HIPK2: variants seen among roughly 807,000 people sequenced by gnomAD.
HIPK2 encodes homeodomain-interacting protein kinase 2.
In HIPK2, 27 loss-of-function variants were observed where a neutral mutation model predicts 113.7. The ratio of observed to expected loss-of-function variants is 0.24; its 90% CI spans 0.17 to 0.33. HIPK2 has a LOEUF of 0.33. Among genes scored for constraint, HIPK2 ranks in the 10% least tolerant of loss-of-function variants. HIPK2 has a pLI of 1.00. For synonymous variants in HIPK2, 631 were observed against 642.2 expected (o/e 0.98, Z 0.26); for missense variants, 1,257 against 1,588.0 (o/e 0.79, Z 3.54).
At chr7:139,623,248 C>T (rs977767738) in intron 6 of HIPK2, among the ~76,000 whole-genome samples, 12 of 152,144 alleles carry the variant, frequency 7.9e-5, no homozygotes, top group Non-Finnish European at 1.0e-4. Context: ...CGGTGGCTCA[C>T]GCCTGTAATC....
At chr7:139,601,548 A>G (rs1799425821) in intron 10 of HIPK2, among the ~76,000 whole-genome samples, 1 of 152,242 alleles carries the variant, frequency 6.6e-6, no homozygotes, top group Non-Finnish European at 1.5e-5. Context: ...CTGAATGAAT[A>G]ATTAGATTAA....
Position 139,564,560 on chromosome 7 carries a change from C to T in HIPK2, c.*8367G>A, listed in dbSNP as rs1458274380. On this transcript the variant is annotated 3_prime_UTR_variant, in exon 15 of 15. Coordinates refer to ENST00000406875, the MANE Select transcript of HIPK2 (RefSeq NM_022740.5). ...GCGGACTCACACCTTTTCCCTCCAT[C>T]TGGATTGCCTTTCATGTTCTCTTGA... 1 of 152,208 alleles carries T rather than the reference C, an allele frequency of 6.6e-6. No homozygotes were observed. The highest frequency in any genetic ancestry group is 2.4e-5 in the African/African-American group (1 of 41,458). The allele number at this position is 152,208 out of a possible 1,614,324, so 9.4% of individuals were successfully genotyped here. A position where few individuals can be genotyped will look rare whatever the true frequency, so the allele number is the denominator to read the frequency against.
rs1219406279 is a variant in HIPK2 at position 139,564,055 on chromosome 7, C to T, written c.*8872G>A. On this transcript the variant is annotated 3_prime_UTR_variant, in exon 15 of 15. Coordinates refer to ENST00000406875, the MANE Select transcript of HIPK2 (RefSeq NM_022740.5). ...GTCTCAATGGACCAGGCTGAGCTGC[C>T]CCTCTGTCTCTGCCTCCTCCTGCTC... 4 of 397,870 alleles carry T rather than the reference C, an allele frequency of 1.0e-5. No individual in the cohort carries two copies. In the East Asian group the frequency reaches 1.1e-4, roughly 11 times the overall value. 24.6% of individuals were successfully genotyped at this position (397,870 alleles called of 1,614,324 possible).
chr7:139,651,325 C>T (rs895046034), intron 2 of HIPK2, among the ~76,000 whole-genome samples: 6 of 151,932 alleles, frequency 3.9e-5, no homozygotes, highest in African/African-American at 1.2e-4. Context: ...AGGATGAACC[C>T]GGCACAGAGA....
intron 2 of HIPK2, among the ~76,000 whole-genome samples, chr7:139,671,844 G>C (rs921747080): frequency 1.3e-5 from 2 of 152,108 alleles, no homozygotes; most frequent in African/African-American, 4.8e-5. Flanking sequence ...CACTGCACCC[G>C]GCTGAGAATC....
chr7:139,753,696 C>G (rs1796316683), intron 1 of HIPK2, among the ~76,000 whole-genome samples: 1 of 152,210 alleles, frequency 6.6e-6, no homozygotes. Context: ...CTGAACACTT[C>G]TGAAAATGAT....
At chr7:139,618,261 T>C (rs930848117) in intron 7 of HIPK2, among the ~76,000 whole-genome samples, 5 of 152,230 alleles carry the variant, frequency 3.3e-5, no homozygotes, top group African/African-American at 1.2e-4. Context: ...AGTAATGATG[T>C]TATTTAATAA....
chr7:139,638,074 C>T (rs577619312), intron 2 of HIPK2, among the ~76,000 whole-genome samples: 2 of 152,272 alleles, frequency 1.3e-5, no homozygotes, highest in East Asian at 3.9e-4. Flanking sequence ...TAGCCCAAAC[C>T]TCTTATTTTA....
intron 2 of HIPK2, among the ~76,000 whole-genome samples, chr7:139,708,641 C>T (rs951571397): frequency 6.6e-6 from 1 of 152,220 alleles, no homozygotes; most frequent in African/African-American, 2.4e-5. Flanking sequence ...AGGGCGTGAA[C>T]ACTGCGTCTG....
chr7:139,720,654 T>C (rs1406445231), intron 1 of HIPK2, among the ~76,000 whole-genome samples: 3 of 152,226 alleles, frequency 2.0e-5, no homozygotes, highest in Admixed American at 6.5e-5. Context: ...CTAGATGTTG[T>C]ATACAATATA....
chr7:139,630,686 C>T lies in HIPK2; in HGVS notation c.1347+479G>A, dbSNP rs1013794002. ...GTGCTGGGATTACAGGCGTGAGCCA[C>T]CACGCTCCCTCTTCATTCTTTAGGG... On this transcript the variant is annotated intron_variant, in intron 4 of 14. Transcript: ENST00000406875. This position sits in a 1 kb window ranked among gnomAD's most constrained non-coding sequence, Gnocchi z 4.0. 2.0e-5 allele frequency among the ~76,000 whole-genome samples: 3 copies of T among 152,262 alleles called. No individual in the cohort carries two copies. Among genetic ancestry groups the T allele is most frequent in the Admixed American group, 1.3e-4 (2 of 15,294 alleles).
intron 2 of HIPK2, among the ~76,000 whole-genome samples, chr7:139,684,698 CAGAG>C (rs574223670): frequency 6.6e-6 from 1 of 152,186 alleles, no homozygotes; most frequent in Non-Finnish European, 1.5e-5. Context: ...GCCTGGACAA[CAGAG>C]AGAGACTGTC....
chr7:139,693,231 G>A (rs1360349683), intron 2 of HIPK2, among the ~76,000 whole-genome samples: 1 of 152,202 alleles, frequency 6.6e-6, no homozygotes, highest in Non-Finnish European at 1.5e-5. Context: ...CAGAGAAAAT[G>A]CATGTAAAAT....
intron 2 of HIPK2, among the ~76,000 whole-genome samples, chr7:139,689,068 G>A (rs1471987363): frequency 6.6e-6 from 1 of 152,180 alleles, no homozygotes; most frequent in African/African-American, 2.4e-5. Context: ...GCCAAGTGGT[G>A]GACCAAGAGC....
chr7:139,694,853 A>C (rs1585388401), intron 2 of HIPK2, among the ~76,000 whole-genome samples: 1 of 152,342 alleles, frequency 6.6e-6, no homozygotes, highest in East Asian at 1.9e-4. Flanking sequence ...GGGGCAAGGC[A>C]ATGGCCTAAC....
intron 6 of HIPK2, among the ~76,000 whole-genome samples, chr7:139,622,634 A>T (rs1800273413): frequency 6.6e-6 from 1 of 152,192 alleles, no homozygotes; most frequent in African/African-American, 2.4e-5. Context: ...TTCACCTAGT[A>T]ATCCAGTAGC....
At chr7:139,672,529 G>A (rs1041309267) in intron 2 of HIPK2, among the ~76,000 whole-genome samples, 1 of 152,098 alleles carries the variant, frequency 6.6e-6, no homozygotes, top group Non-Finnish European at 1.5e-5. Flanking sequence ...GCAATGGCGC[G>A]ATCTCGGCTC....
At chr7:139,704,527 C>T (rs1794833273) in intron 2 of HIPK2, among the ~76,000 whole-genome samples, 1 of 151,720 alleles carries the variant, frequency 6.6e-6, no homozygotes, top group African/African-American at 2.4e-5. Context: ...CCCCAACACA[C>T]CCCCACACCC....
intron 7 of HIPK2, 185 bp downstream of exon 7, chr7:139,620,216 G>T: frequency 2.8e-6 from 1 of 355,356 alleles, no homozygotes; most frequent in Non-Finnish European, 3.9e-6. Context: ...TGTCAATGGG[G>T]CCAGAAGTCA....
Sources: allele counts gnomAD v4.1 joint callset (sites outside exome capture counted in the v4.1 genomes callset), GRCh38; gene constraint gnomAD v4.1.1; non-coding constraint Gnocchi (gnomAD v3.1); transcripts MANE v1.5; gene names NCBI Gene and HGNC (gene_info 2026-07-23, HGNC 2026-07-21).